Variants in BTNL2 observed in about 807,000 individuals in gnomAD.
BTNL2 encodes butyrophilin like 2, also known as butyrophilin-like protein 2.
BTNL2 carries 46 observed loss-of-function variants against 46.8 expected under a neutral mutation model. The observed-to-expected ratio is 0.98, with a 90% CI of 0.78 to 1.26. The LOEUF (loss-of-function observed/expected upper bound fraction) is 1.26. Ranked by LOEUF, BTNL2 falls within the 50% of genes most tolerant of loss-of-function variation. BTNL2 has a pLI of 0.00. For synonymous variants in BTNL2, 226 were observed against 229.1 expected (o/e 0.99, Z 0.12); for missense variants, 461 against 592.6 (o/e 0.78, Z 2.31).
At chr6:32,401,722 CCTCCCTCTGCTGGGGAGGGCAGAGG>C (rs1776794875) in intron 4 of BTNL2, 38 bp downstream of exon 4, 2 of 1,503,762 alleles carry the variant, frequency 1.3e-6, no homozygotes, top group Non-Finnish European at 1.8e-6. Context: ...TGGTAGCTCC[CCTCCCTCTGCTGGGGAGGGCAGAGG>C]CTCCCTCCAC....
intron 5 of BTNL2, 27 bp from the exon 6 acceptor site, chr6:32,395,052 T>A (rs760782661): frequency 7.2e-6 from 11 of 1,535,570 alleles, no homozygotes; most frequent in Non-Finnish European, 9.6e-6. Flanking sequence ...AACCAAAGCC[T>A]GGGGTCCTTT....
chr6:32,403,216 C>T lies in BTNL2; in HGVS notation c.428G>A (p.Gly143Asp), dbSNP rs115653647. ...GTGGATGCTAGGGGCAGACCCCAGA[C>T]CTGCAGAGGGAAGCCACAGCTCTGA... Reference protein sequence around the residue: ...GETSLLLKVAGLGSAPSIHME... With the variant: ...GETSLLLKVADLGSAPSIHME... The change falls in exon 3 of 8, where the codon GGT becomes GAT. Residue 143 changes from glycine (G) to aspartate (D), a missense_variant and splice_region_variant. Gly to Asp is a moderately conservative substitution (Grantham distance 94, BLOSUM62 -1). Transcript: ENST00000454136. The T allele has an allele frequency of 0.029, 46,582 of 1,596,348 alleles. 1,166 individuals are homozygous for T. The highest frequency in any genetic ancestry group is 0.08 in the Admixed American group (4,642 of 57,970).
intron 4 of BTNL2, among the ~76,000 whole-genome samples, chr6:32,398,880 C>G (rs187392316): frequency 1.3e-5 from 2 of 152,258 alleles, no homozygotes; most frequent in East Asian, 3.9e-4. Flanking sequence ...TGATGTTCTA[C>G]TAGAATACAA....
intron 3 of BTNL2, among the ~76,000 whole-genome samples, chr6:32,402,120 G>A (rs117255185): frequency 0.018 from 2,666 of 152,126 alleles, 76 homozygotes; most frequent in East Asian, 0.11. Flanking sequence ...TACACAGAAA[G>A]TACAAAATTA....
At chr6:32,402,860 C>A in intron 3 of BTNL2, 75 bp downstream of exon 3, 1 of 1,424,658 alleles carries the variant, frequency 7.0e-7, no homozygotes, top group South Asian at 1.3e-5. Flanking sequence ...GATAAAAATA[C>A]GAGGTGCTAT....
At chr6:32,398,154 C>CT (rs140544673) in intron 4 of BTNL2, among the ~76,000 whole-genome samples, 27,014 of 152,000 alleles carry the variant, frequency 0.18, 2,676 homozygotes, top group East Asian at 0.21. Flanking sequence ...CCTGCCCGTG[C>CT]CATTTTTTCT....
rs1776367001 is a variant in BTNL2 at position 32,395,134 on chromosome 6, A to G, written c.1079-109T>C. On this transcript the variant is annotated intron_variant, in intron 5 of 7. Coordinates refer to ENST00000454136, the MANE Select transcript of BTNL2 (RefSeq NM_001304561.2). ...TGTGGAGGGCTTGGGGAAGGGAGAA[A>G]AGCTTAAGGGGGATTGCACTCCACT... is the stretch of plus-strand genomic sequence containing the variant. 7 of 1,161,940 alleles carry G rather than the reference A, an allele frequency of 6.0e-6. No homozygotes were observed. In the South Asian group the frequency reaches 7.9e-5, roughly 13 times the overall value. The allele number at this position is 1,161,940 out of a possible 1,614,324, so 72.0% of individuals were successfully genotyped here.
Position 32,405,115 on chromosome 6 carries a change from G to T in BTNL2, c.251C>A (p.Thr84Asn), listed in dbSNP as rs575716744. The T allele has an allele frequency of 6.2e-7, 1 of 1,613,002 alleles. No individual in the cohort carries two copies. The highest frequency in any genetic ancestry group is 1.1e-5 in the South Asian group (1 of 91,080). ...TCTGTACTCCTCCATCTGCATCTCA[G>T]TCACCTCCACTCCATCCCTGTGCAC... ...VFVHRDGVEV[T>N]EMQMEEYRGW... The change falls in exon 2 of 8, where the codon ACT becomes AAT. Residue 84 changes from threonine (T) to asparagine (N), a missense_variant. Thr to Asn is a moderately conservative substitution (Grantham distance 65, BLOSUM62 0). Transcript: ENST00000454136.
chr6:32,399,916 C>T lies in BTNL2; in HGVS notation c.730+1869G>A, dbSNP rs117345304. 0.018 allele frequency among the ~76,000 whole-genome samples: 2,669 copies of T among 152,256 alleles called. 77 individuals carry two copies. Among genetic ancestry groups the T allele is most frequent in the East Asian group, 0.11 (568 of 5,184 alleles). ...CTTCCGTGCCCAGAGCCCTCCTCTC[C>T]CACCTGACAGGAAGCAAAGGGAAGC... On this transcript the variant is annotated intron_variant, in intron 4 of 7. Coordinates refer to ENST00000454136, the MANE Select transcript of BTNL2 (RefSeq NM_001304561.2). This position sits in a 1 kb window ranked among gnomAD's most constrained non-coding sequence, Gnocchi z 5.2.
In BTNL2 at chr6:32,399,953, G is replaced by A. The variant is rs116999528; in HGVS notation, c.730+1832C>T. ...AAGCAAAGGGAAGCTCCATCTTTCCGTGTTGGTTAATTGTGGCCCCGGAGG... is the reference window on the plus strand; with the variant it reads ...AAGCAAAGGGAAGCTCCATCTTTCCATGTTGGTTAATTGTGGCCCCGGAGG... On this transcript the variant is annotated intron_variant, in intron 4 of 7. Coordinates refer to ENST00000454136, the MANE Select transcript of BTNL2 (RefSeq NM_001304561.2). The surrounding 1 kb of genome is among the most constrained non-coding windows in gnomAD (Gnocchi z 5.2). 0.017 allele frequency among the ~76,000 whole-genome samples: 2,649 copies of A among 152,194 alleles called. 77 individuals carry two copies. The highest frequency in any genetic ancestry group is 0.11 in the East Asian group (556 of 5,152).
rs1278523323 is a variant in BTNL2 at position 32,394,846 on chromosome 6, G to A, written c.1258C>T (p.Gln420Ter). ...ATGTTTGTGACCCTTAGCAATGTCT[G>A]CACGTGGAACAGCCCGTGGCTGCCT... ...TQGSHGLFHV[Q>*]TLLRVTNISA... is the part of the protein sequence containing the mutation. Residue 420 changes from glutamine to a stop codon, truncating the protein, a stop_gained, in exon 6 of 8, where the codon CAG (glutamine) becomes TAG (stop). Transcript: ENST00000454136. LOFTEE classifies it high-confidence loss of function. This position sits in a 1 kb window ranked among gnomAD's most constrained non-coding sequence, Gnocchi z 4.6. The A allele has an allele frequency of 1.2e-6, 2 of 1,614,238 alleles. No homozygotes were observed. The highest frequency in any genetic ancestry group is 1.7e-6 in the Non-Finnish European group (2 of 1,180,034).
chr6:32,393,902 G>A lies in BTNL2; in HGVS notation c.*6+61C>T, dbSNP rs1776272875. The A allele has an allele frequency of 5.3e-6, 8 of 1,521,038 alleles. No homozygotes were observed. The South Asian group carries it at 1.0e-4, about 19-fold the overall frequency. 94.2% of individuals were successfully genotyped at this position (1,521,038 alleles called of 1,614,324 possible). A position where few individuals can be genotyped will look rare whatever the true frequency, so the allele number is the denominator to read the frequency against. ...GTGACTTGTGAAAAGGGAGGCTCGG[G>A]GAAGTACGCAGTACGGTTCCCACTG... On this transcript the variant is annotated intron_variant, in intron 7 of 7. Transcript: ENST00000454136. The surrounding 1 kb of genome is among the most constrained non-coding windows in gnomAD (Gnocchi z 4.8).
At chr6:32,398,621 G>A (rs1189195226) in intron 4 of BTNL2, among the ~76,000 whole-genome samples, 1 of 152,096 alleles carries the variant, frequency 6.6e-6, no homozygotes, top group African/African-American at 2.4e-5. Context: ...TTATCCATAT[G>A]AGGATTTTAT....
Position 32,405,040 on chromosome 6 carries a change from A to G in BTNL2, c.326T>C (p.Leu109Pro), listed in dbSNP as rs202142460. The G allele has an allele frequency of 8.5e-5, 137 of 1,613,056 alleles. No homozygotes were observed. In the Middle Eastern group the frequency reaches 9.9e-4, roughly 12 times the overall value. Residue 109 changes from leucine to proline, a missense_variant, in exon 2 of 8, where the codon CTG (leucine) becomes CCG (proline). Transcript: ENST00000454136. ...GGAGGGCTGGATGTTGTGTATCTTCAGTGCCACATTTCCCTTTGCAATGCC... is the reference window on the plus strand; with the variant it reads ...GGAGGGCTGGATGTTGTGTATCTTCGGTGCCACATTTCCCTTTGCAATGCC... Reference protein sequence around the residue: ...ENGIAKGNVALKIHNIQPSDN... With the variant: ...ENGIAKGNVAPKIHNIQPSDN...
chr6:32,396,847 G>T lies in BTNL2; in HGVS notation c.731-461C>A, dbSNP rs1776485026. On this transcript the variant is annotated intron_variant, in intron 4 of 7. Coordinates refer to ENST00000454136, the MANE Select transcript of BTNL2 (RefSeq NM_001304561.2). This position sits in a 1 kb window ranked among gnomAD's most constrained non-coding sequence, Gnocchi z 4.4. ...ATACAAAAATTAGTCGGGCATGATG[G>T]TGGGTGCCTGTAATCCCAGCTACTC... Among the ~76,000 whole-genome samples the T allele has an allele frequency of 6.6e-6, 1 of 151,982 alleles. No individual in the cohort carries two copies. Among genetic ancestry groups the T allele is most frequent in the Non-Finnish European group, 1.5e-5 (1 of 68,012 alleles).
Position 32,394,927 on chromosome 6 carries a change from G to A in BTNL2, c.1177C>T (p.Pro393Ser). 6.2e-7 allele frequency: 1 copy of A among 1,614,160 alleles called. No individual in the cohort carries two copies. The highest frequency in any genetic ancestry group is 8.5e-7 in the Non-Finnish European group (1 of 1,180,010). ...GTCTTTCCTTCCATGTCCCTCCATGGCACGTGGGGCTGTGGGAACCACCCA... is the reference window on the plus strand; with the variant it reads ...GTCTTTCCTTCCATGTCCCTCCATGACACGTGGGGCTGTGGGAACCACCCA... ...SDGWFPQPHVPWRDMEGKTIP... is the reference protein window; with the variant it reads ...SDGWFPQPHVSWRDMEGKTIP... Residue 393 changes from proline to serine, a missense_variant, in exon 6 of 8, where the codon CCA (proline) becomes TCA (serine). Pro to Ser is a moderately conservative substitution (Grantham distance 74). Transcript: ENST00000454136. This position sits in a 1 kb window ranked among gnomAD's most constrained non-coding sequence, Gnocchi z 4.6.
At chr6:32,405,336 A>G in intron 1 of BTNL2, 50 bp from the exon 2 acceptor site, 2 of 1,559,752 alleles carry the variant, frequency 1.3e-6, no homozygotes, top group Non-Finnish European at 1.8e-6. Context: ...TCAGAAAATC[A>G]TATGCATGCT....
chr6:32,401,094 G>A (rs1466358822), intron 4 of BTNL2, among the ~76,000 whole-genome samples: 1 of 149,352 alleles, frequency 6.7e-6, no homozygotes, highest in African/African-American at 2.5e-5. Flanking sequence ...TGTAGTCCCA[G>A]CTACTTGGGA....
intron 2 of BTNL2, among the ~76,000 whole-genome samples, chr6:32,404,544 C>T (rs62404571): frequency 0.1 from 15,847 of 152,132 alleles, 947 homozygotes; most frequent in East Asian, 0.2. Flanking sequence ...GTCTCAGTTT[C>T]TGCATAGATG....
Sources: allele counts gnomAD v4.1 joint callset (sites outside exome capture counted in the v4.1 genomes callset), GRCh38; gene constraint gnomAD v4.1.1; non-coding constraint Gnocchi (gnomAD v3.1); transcripts MANE v1.5; gene names NCBI Gene and HGNC (gene_info 2026-07-23, HGNC 2026-07-21).